The following CCSER1 variants were observed in gnomAD, a reference collection of about 807,000 sequenced individuals.
CCSER1 encodes coiled-coil serine rich protein 1.
A neutral mutation model predicts 82.0 loss-of-function variants in CCSER1; 41 were observed. The ratio of observed to expected loss-of-function variants is 0.50; its 90% CI spans 0.39 to 0.65. The LOEUF (loss-of-function observed/expected upper bound fraction) is 0.65. CCSER1 is among the 30% of genes least tolerant of loss of function. The pLI is 0.00. For synonymous variants in CCSER1, 414 were observed against 383.9 expected, an observed-to-expected ratio of 1.08 and a Z score of -0.92; for missense variants, 1,119 against 1,064.2, an observed-to-expected ratio of 1.05 and a Z score of -0.72.
At chr4:90,386,305 C>T (rs1750038584) in intron 3 of CCSER1, among the ~76,000 whole-genome samples, 2 of 152,076 alleles carry the variant, frequency 1.3e-5, no homozygotes, top group African/African-American at 2.4e-5. Context: ...AAAGCAGATA[C>T]GTACACAAAT....
intron 9 of CCSER1, among the ~76,000 whole-genome samples, chr4:91,047,223 C>A (rs1188787842): frequency 6.6e-6 from 1 of 151,236 alleles, no homozygotes; most frequent in Non-Finnish European, 1.5e-5. Context: ...AGTTTGATAT[C>A]CAAAGCATAT....
chr4:90,388,483 T>C (rs1005799910), intron 3 of CCSER1, among the ~76,000 whole-genome samples: 1 of 152,150 alleles, frequency 6.6e-6, no homozygotes, highest in Non-Finnish European at 1.5e-5. Context: ...CTAAATTTTG[T>C]ATTTTTAGTA....
At chr4:90,566,598 A>G (rs909431564) in intron 5 of CCSER1, among the ~76,000 whole-genome samples, 3 of 144,132 alleles carry the variant, frequency 2.1e-5, no homozygotes, top group Admixed American at 6.8e-5. Flanking sequence ...ATTGTTCACA[A>G]TTACCTTTTT....
intron 3 of CCSER1, among the ~76,000 whole-genome samples, chr4:90,381,177 G>A (rs1017350303): frequency 3.3e-5 from 5 of 152,222 alleles, no homozygotes; most frequent in South Asian, 2.1e-4. Flanking sequence ...AGTGCTGATC[G>A]TGCCCCACTA....
intron 3 of CCSER1, among the ~76,000 whole-genome samples, chr4:90,333,522 G>A (rs912016009): frequency 6.6e-6 from 1 of 152,194 alleles, no homozygotes; most frequent in Non-Finnish European, 1.5e-5. Flanking sequence ...CCACTTGAAA[G>A]TCACTTTGAG....
chr4:91,387,896 G>C (rs1214186076), intron 10 of CCSER1, among the ~76,000 whole-genome samples: 1 of 151,846 alleles, frequency 6.6e-6, no homozygotes, highest in African/African-American at 2.4e-5. Context: ...TTTGCCTATT[G>C]TTTTCTATAG....
chr4:90,945,299 G>A (rs1732098630), intron 9 of CCSER1, among the ~76,000 whole-genome samples: 1 of 151,684 alleles, frequency 6.6e-6, no homozygotes, highest in Non-Finnish European at 1.5e-5. Flanking sequence ...TTTTTCATTT[G>A]CTATTTATGC....
intron 1 of CCSER1, among the ~76,000 whole-genome samples, chr4:90,196,593 T>C (rs72876157): frequency 0.049 from 7,341 of 151,196 alleles, 428 homozygotes; most frequent in East Asian, 0.25. Flanking sequence ...CTAATCCTTC[T>C]TTATTCCCTT....
intron 6 of CCSER1, among the ~76,000 whole-genome samples, chr4:90,710,250 C>T (rs1267879802): frequency 6.6e-6 from 1 of 151,648 alleles, no homozygotes; most frequent in Non-Finnish European, 1.5e-5. Context: ...TAGGTTGTCA[C>T]TTCATTCTAG....
At chr4:91,137,786 C>A (rs1728628634) in intron 10 of CCSER1, among the ~76,000 whole-genome samples, 1 of 151,650 alleles carries the variant, frequency 6.6e-6, no homozygotes, top group Admixed American at 6.6e-5. Context: ...TCTTATACAC[C>A]AACAACAGAC....
In CCSER1 at chr4:91,311,208, C is replaced by T. The variant is rs1745450031; in HGVS notation, c.2217+225214C>T. On this transcript the variant is annotated intron_variant, in intron 10 of 10. Coordinates refer to ENST00000509176, the MANE Select transcript of CCSER1 (RefSeq NM_001145065.2). ...TATCCCTGGCTAAAAATTCTTTAAC[C>T]ATTAGCTTTCAGGACTTTTAAGTAC... 1.3e-5 allele frequency among the ~76,000 whole-genome samples: 2 copies of T among 151,880 alleles called. 1 individual carries two copies. The highest frequency in any genetic ancestry group is 4.1e-4 in the South Asian group (2 of 4,830).
At chr4:90,813,568 C>T (rs1487334131) in intron 7 of CCSER1, among the ~76,000 whole-genome samples, 1 of 152,118 alleles carries the variant, frequency 6.6e-6, no homozygotes, top group Non-Finnish European at 1.5e-5. Flanking sequence ...CTTTCCTATG[C>T]TATTCTCGTG....
At position 91,179,974 on chromosome 4, in the gene CCSER1, A is replaced by T. The variant is rs187134043; in HGVS notation, c.2217+93980A>T. 3.5e-3 allele frequency among the ~76,000 whole-genome samples: 540 copies of T among 152,288 alleles called. 4 individuals carry two copies. Among genetic ancestry groups the T allele is most frequent in the Non-Finnish European group, 6.0e-3 (411 of 68,030 alleles). ...CTTTGGTGTTTGATGATGGTGATGT[A>T]CAGATGGGGTTTTGGTGTGGATGTC... is the stretch of plus-strand genomic sequence containing the variant. On this transcript the variant is annotated intron_variant, in intron 10 of 10. Transcript: ENST00000509176.
chr4:91,456,961 C>T (rs1373729214), intron 10 of CCSER1, among the ~76,000 whole-genome samples: 1 of 152,034 alleles, frequency 6.6e-6, no homozygotes, highest in African/African-American at 2.4e-5. Context: ...ATACCTGTAT[C>T]ATAATCCCTG....
rs565684701 is a variant in CCSER1, at chr4:90,972,956, T to C, written c.2172+49509T>C. On this transcript the variant is annotated intron_variant, in intron 9 of 10. Coordinates refer to ENST00000509176, the MANE Select transcript of CCSER1 (RefSeq NM_001145065.2). ...TAAATAATGTTGAGAGAACTGGATA[T>C]CCATATGTAGAAGAAAGAAACTGGA... Among the ~76,000 whole-genome samples, 4 of 151,816 alleles carry C rather than the reference T, an allele frequency of 2.6e-5. No individual in the cohort carries two copies. The South Asian group carries it at 6.2e-4, about 24-fold the overall frequency.
At chr4:90,882,795 A>G (rs1338621883) in intron 8 of CCSER1, among the ~76,000 whole-genome samples, 1 of 152,006 alleles carries the variant, frequency 6.6e-6, no homozygotes, top group Non-Finnish European at 1.5e-5. Context: ...AAATATACGC[A>G]ACTTCACTTA....
intron 5 of CCSER1, among the ~76,000 whole-genome samples, chr4:90,582,371 C>CA (rs998507592): frequency 6.6e-6 from 1 of 152,092 alleles, no homozygotes; most frequent in African/African-American, 2.4e-5. Context: ...TAGTCAAGAA[C>CA]AAAGGCATAG....
At chr4:90,662,380 AC>A (rs1730985392) in intron 6 of CCSER1, among the ~76,000 whole-genome samples, 1 of 151,954 alleles carries the variant, frequency 6.6e-6, no homozygotes, top group Non-Finnish European at 1.5e-5. Flanking sequence ...TGCTACTTAT[AC>A]TATATTATAT....
At chr4:90,521,957 G>A (rs1004373598) in intron 5 of CCSER1, among the ~76,000 whole-genome samples, 11 of 152,040 alleles carry the variant, frequency 7.2e-5, no homozygotes, top group Admixed American at 6.6e-5. Flanking sequence ...TCATTGATCT[G>A]TTTTCTCATT....
Sources: gnomAD v4.1 joint callset for allele counts (sites outside exome capture counted in the v4.1 genomes callset) on GRCh38, gnomAD v4.1.1 for gene constraint, MANE v1.5 for transcripts, NCBI Gene and HGNC (gene_info 2026-07-23, HGNC 2026-07-21) for gene names.